Variants in WDR26 observed in about 807,000 individuals in gnomAD.
WDR26 encodes WD repeat-containing protein 26.
WDR26 carries 5 observed loss-of-function variants against 84.1 expected under a neutral mutation model. The ratio of observed to expected loss-of-function variants is 0.06; its 90% confidence interval spans 0.03 to 0.13. The LOEUF (loss-of-function observed/expected upper bound fraction) is 0.13. Among genes scored for constraint, WDR26 ranks in the 10% least tolerant of loss-of-function variants. WDR26 has a pLI of 1.00. For missense variants in WDR26, 642 were observed against 974.9 expected (o/e 0.66, Z 4.55); for synonymous variants, 415 against 389.6 (o/e 1.07, Z -0.77).
chr1:224,406,427 ACC>A (rs1673570058), intron 7 of WDR26, among the ~76,000 whole-genome samples: 1 of 152,212 alleles, frequency 6.6e-6, no homozygotes, highest in Non-Finnish European at 1.5e-5. Context: ...GGGATGACCC[ACC>A]AGCAGTTGAA....
chr1:224,404,341 ATAT>A (rs1333424141), intron 8 of WDR26, 86 bp downstream of exon 8: 6 of 1,442,806 alleles, frequency 4.2e-6, no homozygotes, highest in Non-Finnish European at 5.5e-6. Context: ...TTGAATGGTT[ATAT>A]TATATAAATC....
At chr1:224,413,220 A>C in intron 6 of WDR26, 1 of 917,484 alleles carries the variant, frequency 1.1e-6, no homozygotes, top group Non-Finnish European at 1.4e-6. Context: ...CCCCCCCCCA[A>C]AAAAAACGTT....
chr1:224,411,707 T>TTA, intron 6 of WDR26, 142 bp from the exon 7 acceptor site: 1 of 867,608 alleles, frequency 1.2e-6, no homozygotes. Flanking sequence ...TGTAAATCTT[T>TTA]TTTTTTTTTT....
At chr1:224,404,618 T>C (rs769178981) in intron 7 of WDR26, 48 bp from the exon 8 acceptor site, 2 of 1,560,270 alleles carry the variant, frequency 1.3e-6, no homozygotes, top group African/African-American at 2.7e-5. Flanking sequence ...ACTAAAGTCA[T>C]TGTTTCCCAA....
At chr1:224,421,062 A>T (rs1328346274) in intron 4 of WDR26, among the ~76,000 whole-genome samples, 1 of 152,216 alleles carries the variant, frequency 6.6e-6, no homozygotes, top group East Asian at 1.9e-4. Flanking sequence ...TAAAGTTTTA[A>T]ATGAATTTCT....
At chr1:224,421,734 AG>A (rs1408355765) in intron 4 of WDR26, among the ~76,000 whole-genome samples, 1 of 152,220 alleles carries the variant, frequency 6.6e-6, no homozygotes, top group Non-Finnish European at 1.5e-5. Flanking sequence ...GTTCAAGACC[AG>A]TCTAAGCAAC....
intron 8 of WDR26, 138 bp from the exon 9 acceptor site, chr1:224,401,207 A>G: frequency 1.3e-6 from 1 of 774,828 alleles, no homozygotes; most frequent in South Asian, 2.0e-5. Flanking sequence ...GTGACCCTAC[A>G]AAAAAGAGAC....
At chr1:224,418,199 A>G in intron 6 of WDR26, 61 bp downstream of exon 6, 1 of 1,475,230 alleles carries the variant, frequency 6.8e-7, no homozygotes, top group East Asian at 2.3e-5. Flanking sequence ...ACTCTAAAAA[A>G]GAAAACTAAA....
intron 5 of WDR26, 81 bp from the exon 6 acceptor site, chr1:224,418,497 G>T (rs1170139192): frequency 3.0e-6 from 4 of 1,346,982 alleles, no homozygotes; most frequent in South Asian, 3.0e-5. Context: ...ATCTTCTGCT[G>T]TACTTGTTCC....
chr1:224,427,115 A>T (rs931621607), intron 3 of WDR26, among the ~76,000 whole-genome samples: 1 of 151,102 alleles, frequency 6.6e-6, no homozygotes, highest in Non-Finnish European at 1.5e-5. Flanking sequence ...AAAAAAAAAA[A>T]AAAAAAAAAA....
intron 4 of WDR26, among the ~76,000 whole-genome samples, chr1:224,422,315 G>C (rs12738799): frequency 0.28 from 42,301 of 152,126 alleles, 7,208 homozygotes; most frequent in African/African-American, 0.47. Flanking sequence ...CTTGCACAGA[G>C]ATTTTGGGTT....
At position 224,404,481 on chromosome 1, in the gene WDR26, A is replaced by G. The variant is rs144510689; in HGVS notation, c.1548T>C (p.Leu516=). ...AGCAGTCATCTGGGCCACAAGCAACAAGATAGTTGTCATCTGGACTCCATG... is the reference window on the plus strand; with the variant it reads ...AGCAGTCATCTGGGCCACAAGCAACGAGATAGTTGTCATCTGGACTCCATG... The change falls in exon 8 of 14, where the codon CTT becomes CTC. Residue 516 remains leucine (L), a synonymous_variant. Transcript: ENST00000414423. 6.3e-5 allele frequency: 102 copies of G among 1,614,018 alleles called. No homozygotes were observed. The highest frequency in any genetic ancestry group is 4.9e-4 in the Middle Eastern group (3 of 6,082).
At chr1:224,432,671 T>C (rs368337698) in intron 1 of WDR26, among the ~76,000 whole-genome samples, 1 of 152,160 alleles carries the variant, frequency 6.6e-6, no homozygotes, top group East Asian at 1.9e-4. Flanking sequence ...TCTGTTCTCC[T>C]CCCCACTCCC....
At chr1:224,433,617 C>CGA in intron 1 of WDR26, 67 bp downstream of exon 1, 2 of 877,116 alleles carry the variant, frequency 2.3e-6, no homozygotes, top group Non-Finnish European at 3.0e-6. Flanking sequence ...TCCGCCCCTT[C>CGA]CCCTACCCCC....
intron 4 of WDR26, 68 bp downstream of exon 4, chr1:224,424,450 G>A: frequency 6.4e-7 from 1 of 1,565,944 alleles, no homozygotes; most frequent in South Asian, 1.2e-5. Flanking sequence ...TTTATATTTT[G>A]GAAAAATGTT....
At chr1:224,409,264 C>G (rs1673666442) in intron 7 of WDR26, among the ~76,000 whole-genome samples, 1 of 152,060 alleles carries the variant, frequency 6.6e-6, no homozygotes, top group Admixed American at 6.5e-5. Flanking sequence ...ATTAATAAAG[C>G]ATTAAATAAA....
intron 7 of WDR26, among the ~76,000 whole-genome samples, chr1:224,407,151 A>AATATATATATATAT (rs1335487396): frequency 0.028 from 329 of 11,830 alleles, 19 homozygotes; most frequent in Non-Finnish European, 0.032. Flanking sequence ...AAAAAAAAAA[A>AATATATATATATAT]ATATATATAT....
intron 3 of WDR26, among the ~76,000 whole-genome samples, chr1:224,429,126 G>A (rs1056894089): frequency 1.3e-5 from 2 of 151,928 alleles, no homozygotes; most frequent in African/African-American, 4.8e-5. Flanking sequence ...GCCGGGCATG[G>A]TGGCATGTGC....
At chr1:224,401,671 C>CAAAAAAAAAAAAAAAAATAAAAAAAAAA (rs1673417301) in intron 8 of WDR26, among the ~76,000 whole-genome samples, 1 of 49,640 alleles carries the variant, frequency 2.0e-5, no homozygotes, top group Non-Finnish European at 3.1e-5. Flanking sequence ...GAGACTGTCT[C>CAAAAAAAAAAAAAAAAATAAAAAAAAAA]AAAAAAAAAA....
Sources: allele counts gnomAD v4.1 joint callset (sites outside exome capture counted in the v4.1 genomes callset), GRCh38; gene constraint gnomAD v4.1.1; transcripts MANE v1.5; gene names NCBI Gene and HGNC (gene_info 2026-07-23, HGNC 2026-07-21).